FGF12: variants seen among roughly 807,000 people sequenced by gnomAD.
FGF12 encodes the protein fibroblast growth factor 12.
A neutral mutation model predicts 23.6 loss-of-function variants in FGF12; 14 were observed. The ratio of observed to expected loss-of-function variants is 0.59; its 90% confidence interval spans 0.39 to 0.93. The LOEUF is 0.93. Among genes scored for constraint, FGF12 ranks in the 40% least tolerant of loss-of-function variants. FGF12 has a pLI of 0.00. For synonymous variants in FGF12, 62 were observed against 77.3 expected, an observed-to-expected ratio of 0.80 and a Z score of 1.04; for missense variants, 175 against 217.8, an observed-to-expected ratio of 0.80 and a Z score of 1.24.
At chr3:192,623,756 GA>G (rs1169814701) in intron 2 of FGF12, among the ~76,000 whole-genome samples, 5 of 152,158 alleles carry the variant, frequency 3.3e-5, no homozygotes, top group African/African-American at 1.2e-4. Context: ...AGAGACCAAG[GA>G]AGTCCAATAA....
intron 2 of FGF12, among the ~76,000 whole-genome samples, chr3:192,394,345 TAAA>T (rs909676736): frequency 1.3e-5 from 2 of 152,078 alleles, no homozygotes; most frequent in African/African-American, 4.8e-5. Flanking sequence ...TAAGAACAAA[TAAA>T]GAATATACAA....
intron 2 of FGF12, among the ~76,000 whole-genome samples, chr3:192,485,096 G>C (rs944415728): frequency 6.6e-6 from 1 of 151,082 alleles, no homozygotes; most frequent in Non-Finnish European, 1.5e-5. Flanking sequence ...AATTTTATAT[G>C]TATACACATA....
intron 4 of FGF12, among the ~76,000 whole-genome samples, chr3:192,252,057 A>C (rs987115623): frequency 5.3e-5 from 8 of 151,586 alleles, no homozygotes; most frequent in Non-Finnish European, 1.0e-4. Context: ...TGCATGCTTA[A>C]TTTTTTTTTG....
At chr3:192,296,223 A>AT (rs538109938) in intron 4 of FGF12, among the ~76,000 whole-genome samples, 5 of 134,010 alleles carry the variant, frequency 3.7e-5, no homozygotes, top group South Asian at 2.4e-4. Context: ...TTTTCATTTT[A>AT]TTTTATTTTT....
intron 2 of FGF12, among the ~76,000 whole-genome samples, chr3:192,556,385 A>C (rs1188965602): frequency 1.3e-5 from 2 of 152,340 alleles, no homozygotes; most frequent in South Asian, 4.1e-4. Context: ...TATTTAAGGC[A>C]AAATAGACTT....
intron 2 of FGF12, among the ~76,000 whole-genome samples, chr3:192,542,022 C>G (rs577745445): frequency 2.1e-5 from 3 of 145,048 alleles, no homozygotes; most frequent in Non-Finnish European, 4.5e-5. Context: ...CATCACCATG[C>G]CTGGCATTTT....
At chr3:192,437,920 T>G (rs1004314692) in intron 2 of FGF12, among the ~76,000 whole-genome samples, 4 of 152,200 alleles carry the variant, frequency 2.6e-5, no homozygotes, top group African/African-American at 9.6e-5. Context: ...TTCCTTCTTT[T>G]GTCCCTGAAT....
chr3:192,293,100 TATG>T (rs1714846114), intron 4 of FGF12, among the ~76,000 whole-genome samples: 2 of 152,254 alleles, frequency 1.3e-5, no homozygotes, highest in South Asian at 4.2e-4. Flanking sequence ...ATTTTGATCA[TATG>T]ATCTCTCAGA....
chr3:192,379,918 T>C (rs745976335), intron 2 of FGF12, among the ~76,000 whole-genome samples: 22 of 152,226 alleles, frequency 1.4e-4, no homozygotes, highest in Non-Finnish European at 2.6e-4. Context: ...ATGGTGGTAG[T>C]GATAAGACAT....
At chr3:192,261,407 A>G (rs1333587140) in intron 4 of FGF12, among the ~76,000 whole-genome samples, 2 of 152,096 alleles carry the variant, frequency 1.3e-5, no homozygotes, top group Non-Finnish European at 2.9e-5. Context: ...AGCTAATGCT[A>G]TACTTCCGTT....
At chr3:192,704,076 T>G (rs1017054009) in intron 2 of FGF12, among the ~76,000 whole-genome samples, 1 of 152,230 alleles carries the variant, frequency 6.6e-6, no homozygotes, top group Non-Finnish European at 1.5e-5. Flanking sequence ...TTTGGCCTAC[T>G]CTTACGAATC....
chr3:192,589,356 A>T (rs1713528919), intron 2 of FGF12, among the ~76,000 whole-genome samples: 1 of 151,700 alleles, frequency 6.6e-6, no homozygotes, highest in Non-Finnish European at 1.5e-5. Flanking sequence ...AAGTCCTAAA[A>T]TTTTTTAAAA....
At chr3:192,659,717 G>A (rs1167004873) in intron 2 of FGF12, among the ~76,000 whole-genome samples, 10 of 152,042 alleles carry the variant, frequency 6.6e-5, no homozygotes, top group African/African-American at 2.2e-4. Context: ...TTGAGGAATC[G>A]CCACACTGAC....
chr3:192,149,129 A>G (rs530495440), intron 5 of FGF12, among the ~76,000 whole-genome samples: 2 of 152,134 alleles, frequency 1.3e-5, no homozygotes, highest in East Asian at 3.9e-4. Flanking sequence ...AAGTGATATG[A>G]TAGCAAATGA....
chr3:192,522,330 T>C (rs1724841724), intron 2 of FGF12, among the ~76,000 whole-genome samples: 1 of 152,136 alleles, frequency 6.6e-6, no homozygotes, highest in Admixed American at 6.5e-5. Flanking sequence ...ATGAATTAGA[T>C]AGAAGATATA....
intron 2 of FGF12, among the ~76,000 whole-genome samples, chr3:192,546,375 T>A (rs1338646128): frequency 6.6e-6 from 1 of 151,690 alleles, no homozygotes; most frequent in Non-Finnish European, 1.5e-5. Context: ...TTTAAGATCA[T>A]CTATGGAAAA....
At chr3:192,626,603 ATTTG>A (rs1416793819) in intron 2 of FGF12, among the ~76,000 whole-genome samples, 1 of 152,046 alleles carries the variant, frequency 6.6e-6, no homozygotes, top group African/African-American at 2.4e-5. Flanking sequence ...ATACATGCCA[ATTTG>A]TTTGTTTGTT....
At chr3:192,296,899 C>T (rs568643692) in intron 4 of FGF12, among the ~76,000 whole-genome samples, 1 of 152,300 alleles carries the variant, frequency 6.6e-6, no homozygotes, top group Non-Finnish European at 1.5e-5. Context: ...TTCCTGAACA[C>T]ATTTTAGCCC....
chr3:192,614,603 G>A (rs1304669002), intron 2 of FGF12, among the ~76,000 whole-genome samples: 1 of 151,922 alleles, frequency 6.6e-6, no homozygotes, highest in African/African-American at 2.4e-5. Flanking sequence ...GCTACAAATG[G>A]TAGAATTTAG....
Sources: allele counts gnomAD v4.1 joint callset (sites outside exome capture counted in the v4.1 genomes callset), GRCh38; gene constraint gnomAD v4.1.1; transcripts MANE v1.5; gene names NCBI Gene and HGNC (gene_info 2026-07-23, HGNC 2026-07-21).